The following MTA3 variants were observed in gnomAD, a reference collection of about 807,000 sequenced individuals.
MTA3 encodes the protein metastasis associated 1 family member 3.
Under a neutral mutation model 83.5 loss-of-function variants are expected in MTA3, and 34 were observed. That is an observed-to-expected ratio of 0.41 (90% CI 0.31 to 0.54). MTA3 has a LOEUF of 0.54. Ranked by LOEUF, MTA3 falls within the 20% of genes least tolerant of loss-of-function variation. The probability of loss-of-function intolerance (pLI) is 0.33; values close to 1 mark genes in which losing one functional copy is unlikely to be tolerated. For missense variants in MTA3, 761 were observed against 726.4 expected (o/e 1.05, Z -0.55); for synonymous variants, 303 against 252.7 (o/e 1.20, Z -1.89).
chr2:42,617,123 C>G (rs1310560914), intron 4 of MTA3, among the ~76,000 whole-genome samples: 1 of 152,162 alleles, frequency 6.6e-6, no homozygotes, highest in Non-Finnish European at 1.5e-5. Flanking sequence ...AGGAAAGGTT[C>G]TAGCCTATAA....
At chr2:42,638,705 A>ATT (rs11367464) in intron 4 of MTA3, among the ~76,000 whole-genome samples, 13 of 145,540 alleles carry the variant, frequency 8.9e-5, no homozygotes, top group African/African-American at 3.3e-4. Context: ...AGTGATGTTA[A>ATT]TTTTTTTTTT....
intron 2 of MTA3, among the ~76,000 whole-genome samples, chr2:42,496,640 C>A (rs377187633): frequency 1.3e-5 from 2 of 149,942 alleles, no homozygotes; most frequent in African/African-American, 5.0e-5. Context: ...CAAATTACTC[C>A]CATTTTTTCC....
At chr2:42,515,330 A>C (rs1162873096) in intron 2 of MTA3, among the ~76,000 whole-genome samples, 3 of 151,560 alleles carry the variant, frequency 2.0e-5, no homozygotes, top group Admixed American at 2.0e-4. Context: ...AAGTGCTGGG[A>C]ATACAGGTGT....
intron 16 of MTA3, among the ~76,000 whole-genome samples, chr2:42,734,344 AGC>A (rs1245905332): frequency 6.7e-6 from 1 of 148,882 alleles, no homozygotes; most frequent in African/African-American, 2.5e-5. Flanking sequence ...ATATAAGTAT[AGC>A]TACTCCTGCT....
At chr2:42,570,781 C>T (rs1024529049) in intron 2 of MTA3, among the ~76,000 whole-genome samples, 8 of 151,986 alleles carry the variant, frequency 5.3e-5, no homozygotes, top group South Asian at 2.1e-4. Context: ...GAGGCTGAGG[C>T]GGGCGGATCA....
intron 2 of MTA3, among the ~76,000 whole-genome samples, chr2:42,509,150 C>G (rs1043253192): frequency 2.6e-5 from 4 of 151,962 alleles, no homozygotes; most frequent in African/African-American, 7.2e-5. Flanking sequence ...TCAAGCGATT[C>G]CCTTGCCTCA....
At chr2:42,515,537 C>G (rs574154863) in intron 2 of MTA3, among the ~76,000 whole-genome samples, 73 of 151,750 alleles carry the variant, frequency 4.8e-4, no homozygotes, top group Non-Finnish European at 7.8e-4. Context: ...GATTCTCGCT[C>G]TCTCTCCCAG....
At chr2:42,747,596 A>G (rs907428790) in intron 16 of MTA3, among the ~76,000 whole-genome samples, 1 of 151,072 alleles carries the variant, frequency 6.6e-6, no homozygotes, top group Admixed American at 6.6e-5. Flanking sequence ...AACAAGCGCA[A>G]TGGAAGTTCC....
intron 2 of MTA3, among the ~76,000 whole-genome samples, chr2:42,554,733 C>G (rs568267577): frequency 2.0e-5 from 3 of 152,162 alleles, no homozygotes; most frequent in Non-Finnish European, 4.4e-5. Context: ...GGGACATGCT[C>G]CCTCACAGCC....
At chr2:42,528,553 C>T (rs191094974) in intron 2 of MTA3, among the ~76,000 whole-genome samples, 7 of 152,240 alleles carry the variant, frequency 4.6e-5, no homozygotes, top group Admixed American at 1.3e-4. Context: ...TGTGTCTTTG[C>T]GGAGAGCCAG....
chr2:42,611,107 G>A (rs936194134), intron 4 of MTA3, among the ~76,000 whole-genome samples: 5 of 150,826 alleles, frequency 3.3e-5, no homozygotes, highest in African/African-American at 9.8e-5. Flanking sequence ...TCAGCCTTCC[G>A]AGTAGCTGGG....
chr2:42,683,031 A>G (rs1692063154), intron 9 of MTA3, among the ~76,000 whole-genome samples: 1 of 152,192 alleles, frequency 6.6e-6, no homozygotes, highest in Admixed American at 6.5e-5. Flanking sequence ...AGATGGCACC[A>G]CTGCACTGCA....
At chr2:42,681,249 C>T (rs1415007813) in intron 8 of MTA3, among the ~76,000 whole-genome samples, 1 of 152,208 alleles carries the variant, frequency 6.6e-6, no homozygotes, top group Non-Finnish European at 1.5e-5. Flanking sequence ...TTGTCTTCTA[C>T]AATCTCAACC....
intron 3 of MTA3, among the ~76,000 whole-genome samples, chr2:42,589,030 A>C (rs6738967): frequency 1.3e-5 from 2 of 151,824 alleles, no homozygotes; most frequent in Non-Finnish European, 2.9e-5. Context: ...GTGGAGGCCA[A>C]TCTTCTTAAC....
rs1675581781 is a variant in MTA3, at chr2:42,524,478, T to TG, written c.-141+29224_-141+29225insG. ...ACCACGCCTGGCTAGTTGTGTTTTTTTTTTTTTTTTTTTTTTTTGTATTTT... is the reference window on the plus strand; with the variant it reads ...ACCACGCCTGGCTAGTTGTGTTTTTTGTTTTTTTTTTTTTTTTTTGTATTTT... On this transcript the variant is annotated intron_variant, in intron 2 of 17. Transcript: ENST00000405592. Among the ~76,000 whole-genome samples, 10 of 113,494 alleles carry TG rather than the reference T, an allele frequency of 8.8e-5. No homozygotes were observed. In the South Asian group the frequency reaches 3.2e-3, roughly 37 times the overall value. 74.5% of individuals were successfully genotyped at this position (113,494 alleles called of 152,430 possible).
At chr2:42,726,620 C>T (rs539986163) in intron 16 of MTA3, among the ~76,000 whole-genome samples, 29 of 152,008 alleles carry the variant, frequency 1.9e-4, no homozygotes, top group African/African-American at 6.8e-4. Flanking sequence ...TTTTTTTGTC[C>T]TTGCATTGCA....
chr2:42,716,437 G>T (rs994238123), intron 14 of MTA3, among the ~76,000 whole-genome samples: 1 of 152,090 alleles, frequency 6.6e-6, no homozygotes, highest in African/African-American at 2.4e-5. Flanking sequence ...CAATTATTAA[G>T]CCTAGTACCC....
At chr2:42,720,184 A>T (rs200125196) in intron 15 of MTA3, among the ~76,000 whole-genome samples, 20 of 80,328 alleles carry the variant, frequency 2.5e-4, no homozygotes, top group African/African-American at 4.9e-4. Flanking sequence ...TATTTATTTT[A>T]TTTATTTATT....
chr2:42,514,682 C>CTGTTTTTTTTTTTT (rs1675057151), intron 2 of MTA3, among the ~76,000 whole-genome samples: 1 of 53,492 alleles, frequency 1.9e-5, no homozygotes, highest in Non-Finnish European at 3.1e-5. Flanking sequence ...CGCCCAGCCC[C>CTGTTTTTTTTTTTT]TTTTTTTTTT....
Sources: gnomAD v4.1 joint callset for allele counts (sites outside exome capture counted in the v4.1 genomes callset) on GRCh38, gnomAD v4.1.1 for gene constraint, MANE v1.5 for transcripts, NCBI Gene and HGNC (gene_info 2026-07-23, HGNC 2026-07-21) for gene names.